SAMD4B: variants seen among roughly 807,000 people sequenced by gnomAD.
The protein encoded by SAMD4B is sterile alpha motif domain containing 4B.
Under a neutral mutation model 74.5 loss-of-function variants are expected in SAMD4B, and 5 were observed. The observed-to-expected ratio is 0.07, with a 90% CI of 0.04 to 0.14. The LOEUF (loss-of-function observed/expected upper bound fraction) is 0.14. Ranked by LOEUF, SAMD4B falls within the 10% of genes least tolerant of loss-of-function variation. The pLI is 1.00. For missense variants in SAMD4B, 608 were observed against 921.8 expected, an observed-to-expected ratio of 0.66 and a Z score of 4.41; for synonymous variants, 373 against 374.9, an observed-to-expected ratio of 1.00 and a Z score of 0.06.
intron 1 of SAMD4B, among the ~76,000 whole-genome samples, chr19:39,344,673 C>G (rs1161676207): frequency 2.0e-5 from 3 of 152,200 alleles, no homozygotes; most frequent in Non-Finnish European, 2.9e-5. Flanking sequence ...AGGGGGCCCC[C>G]TTTTCCCATT....
At chr19:39,366,460 ATC>A (rs2145612987) in intron 3 of SAMD4B, among the ~76,000 whole-genome samples, 1 of 152,326 alleles carries the variant, frequency 6.6e-6, no homozygotes, top group East Asian at 1.9e-4. Context: ...GCGAGACTCC[ATC>A]TCAGAAAAAT....
intron 3 of SAMD4B, 36 bp from the exon 4 acceptor site, chr19:39,369,619 T>A: frequency 6.4e-7 from 1 of 1,563,062 alleles, no homozygotes; most frequent in Non-Finnish European, 8.8e-7. Flanking sequence ...TACCCCACCC[T>A]GGCTCTCCTG....
At chr19:39,386,138 G>A, downstream of SAMD4B, 1 of 1,614,174 alleles carries the variant, frequency 6.2e-7, no homozygotes, top group Non-Finnish European at 8.5e-7. The surrounding 1 kb of genome is among the most constrained non-coding windows in gnomAD (Gnocchi z 6.1). Context: ...TGCTGCCGCT[G>A]TCTGAATCAT....
chr19:39,342,432 A>G lies in SAMD4B; in HGVS notation c.-411A>G, dbSNP rs1345499685. On this transcript the variant is annotated 5_prime_UTR_variant, in exon 1 of 14. Transcript: ENST00000610417. ...AGGGGCGGTGACGCACGGCGCGGTG[A>G]CGCAGCGCGACGGCGGCGGCGGCGG... is the stretch of plus-strand genomic sequence containing the variant. 2 of 175,874 alleles carry G rather than the reference A, an allele frequency of 1.1e-5. No individual in the cohort carries two copies. The highest frequency in any genetic ancestry group is 1.6e-4 in the East Asian group (1 of 6,128). The allele number at this position is 175,874 out of a possible 1,614,324, so 10.9% of individuals were successfully genotyped here.
chr19:39,349,942 G>C (rs2075931579), intron 1 of SAMD4B: 1 of 152,246 alleles, frequency 6.6e-6, no homozygotes, highest in Non-Finnish European at 1.5e-5. Context: ...GAGCTCTGAA[G>C]CCAGACTGCC....
At position 39,354,845 on chromosome 19, in the gene SAMD4B, A is replaced by G. The variant is rs1483983923; in HGVS notation, c.-206+779A>G. Among the ~76,000 whole-genome samples the G allele has an allele frequency of 2.6e-5, 4 of 152,162 alleles. No individual in the cohort carries two copies. In the South Asian group the frequency reaches 6.2e-4, roughly 24 times the overall value. Reference sequence around the variant, plus strand: ...GGAGTCCTATAGGGCTCGGTAGTTCAAGATAAGATGTTTGGAATTTGTTTA... The same window carrying G: ...GGAGTCCTATAGGGCTCGGTAGTTCGAGATAAGATGTTTGGAATTTGTTTA... On this transcript the variant is annotated intron_variant, in intron 2 of 13. Transcript: ENST00000610417.
chr19:39,385,469 C>T lies in SAMD4B; in HGVS notation c.*1942C>T, dbSNP rs1020680493. On this transcript the variant is annotated 3_prime_UTR_variant, in exon 14 of 14. Transcript: ENST00000610417. ...GCAGAGTGTGCAGGACGCAGGCGGC[C>T]CCACTCTGATGGGCAGGACCCTGAC... The T allele has an allele frequency of 2.3e-6, 1 of 439,702 alleles. No homozygotes were observed. Among genetic ancestry groups the T allele is most frequent in the Non-Finnish European group, 4.0e-6 (1 of 250,034 alleles). 27.2% of individuals were successfully genotyped at this position (439,702 alleles called of 1,614,324 possible).
At chr19:39,361,292 CTT>C (rs1463018472) in intron 3 of SAMD4B, among the ~76,000 whole-genome samples, 3 of 152,190 alleles carry the variant, frequency 2.0e-5, no homozygotes, top group Admixed American at 1.3e-4. Context: ...CAAACCAACT[CTT>C]GAGTTCAGTT....
chr19:39,370,171 GT>G (rs750922499), intron 4 of SAMD4B, 46 bp downstream of exon 4: 19 of 1,525,846 alleles, frequency 1.2e-5, no homozygotes, highest in Middle Eastern at 4.1e-4. Flanking sequence ...CTTGAAAAAG[GT>G]TGGACTAGGC....
Position 39,375,754 on chromosome 19 carries a change from G to A in SAMD4B, c.772G>A (p.Ala258Thr), listed in dbSNP as rs1422816063. ...GTGGCCGAGTCCAGAGGAGCTTGGG[G>A]CCCGGGCTGCTTTTACCACGCCCGA... The part of the protein sequence containing the change: ...GEWPSPEELG[A>T]RAAFTTPDHA... The change falls in exon 5 of 14, where the codon GCC becomes ACC. Residue 258 changes from alanine (A) to threonine (T), a missense_variant. By Grantham distance (58) the Ala-to-Thr change is moderately conservative. This residue lies in a region of SAMD4B where 153 missense variants were observed against 153.0 expected (regional missense o/e 1.00). Transcript: ENST00000610417. The surrounding 1 kb of genome is among the most constrained non-coding windows in gnomAD (Gnocchi z 4.1). 3 of 1,614,028 alleles carry A rather than the reference G, an allele frequency of 1.9e-6. No homozygotes were observed. Among genetic ancestry groups the A allele is most frequent in the Non-Finnish European group, 1.7e-6 (2 of 1,180,034 alleles).
intron 3 of SAMD4B, among the ~76,000 whole-genome samples, chr19:39,364,055 A>G (rs1307880279): frequency 6.6e-6 from 1 of 152,072 alleles, no homozygotes; most frequent in East Asian, 1.9e-4. Context: ...CACCACCACC[A>G]CACAGACACA....
At chr19:39,358,455 T>C (rs1198732632) in intron 3 of SAMD4B, among the ~76,000 whole-genome samples, 2 of 152,090 alleles carry the variant, frequency 1.3e-5, no homozygotes, top group African/African-American at 4.8e-5. Flanking sequence ...CTTCACCATG[T>C]TGGTGAGTCT....
At chr19:39,343,115 G>A (rs2037467108) in intron 1 of SAMD4B, among the ~76,000 whole-genome samples, 3 of 151,712 alleles carry the variant, frequency 2.0e-5, no homozygotes, top group African/African-American at 4.8e-5. Flanking sequence ...TGCTCCAGGA[G>A]CCTCCCTCAC....
chr19:39,390,222 C>A (rs200181196), downstream of SAMD4B: 1,629 of 1,613,608 alleles, frequency 1.0e-3, 2 homozygotes, highest in Non-Finnish European at 1.2e-3. Flanking sequence ...CCCAGCCCCA[C>A]TGCCCCACCG....
Position 39,384,001 on chromosome 19 carries a change from A to G in SAMD4B, c.*474A>G, listed in dbSNP as rs2078159691. ...AATGTTATTGAGAGGAGCTGGGGAG[A>G]AGGAAGGGGAGCAAGGAGAGGAAGC... On this transcript the variant is annotated 3_prime_UTR_variant, in exon 14 of 14. Coordinates refer to ENST00000610417, the MANE Select transcript of SAMD4B (RefSeq NM_001384574.2). 2.4e-6 allele frequency: 1 copy of G among 422,690 alleles called. No individual in the cohort carries two copies. The highest frequency in any genetic ancestry group is 2.0e-5 in the African/African-American group (1 of 50,020). 26.2% of individuals were successfully genotyped at this position (422,690 alleles called of 1,614,324 possible).
intron 4 of SAMD4B, among the ~76,000 whole-genome samples, chr19:39,372,026 G>A (rs958090152): frequency 2.0e-5 from 3 of 152,142 alleles, no homozygotes; most frequent in Non-Finnish European, 4.4e-5. Flanking sequence ...CCCAGGCAGG[G>A]TGCCTATAAA....
Position 39,383,100 on chromosome 19 carries a change from C to G in SAMD4B, c.1973-108C>G. 3.4e-6 allele frequency: 3 copies of G among 875,398 alleles called. No homozygotes were observed. Among genetic ancestry groups the G allele is most frequent in the Non-Finnish European group, 5.9e-6 (3 of 510,718 alleles). 54.2% of individuals were successfully genotyped at this position (875,398 alleles called of 1,614,324 possible). A position where few individuals can be genotyped will look rare whatever the true frequency, so the allele number is the denominator to read the frequency against. Reference sequence around the variant, plus strand: ...CCTCCTCCCGTTCTTCCCTCTCCCCCTCCATCTCTCTTGCTCCCTTCCCAT... The same window carrying G: ...CCTCCTCCCGTTCTTCCCTCTCCCCGTCCATCTCTCTTGCTCCCTTCCCAT... On this transcript the variant is annotated intron_variant, in intron 12 of 13. Transcript: ENST00000610417. The surrounding 1 kb of genome is among the most constrained non-coding windows in gnomAD (Gnocchi z 4.1).
intron 1 of SAMD4B, chr19:39,352,516 C>T (rs2076104147): frequency 6.7e-6 from 1 of 148,538 alleles, no homozygotes; most frequent in South Asian, 2.1e-4. Flanking sequence ...AAACCTAAGA[C>T]GTAACAATAC....
intron 1 of SAMD4B, among the ~76,000 whole-genome samples, chr19:39,343,581 G>C (rs1035431978): frequency 6.8e-5 from 10 of 147,684 alleles, no homozygotes; most frequent in African/African-American, 2.5e-4. Flanking sequence ...TCTCCCCCTG[G>C]TCTCACCACC....
Sources: gnomAD v4.1 joint callset for allele counts (sites outside exome capture counted in the v4.1 genomes callset) on GRCh38, gnomAD v4.1.1 for gene constraint, gnomAD v4.1.1 regional missense constraint, Gnocchi (gnomAD v3.1) non-coding constraint, MANE v1.5 for transcripts, NCBI Gene and HGNC (gene_info 2026-07-23, HGNC 2026-07-21) for gene names.